The following TAMM41 variants were observed in gnomAD, a reference collection of about 807,000 sequenced individuals.
TAMM41 encodes the protein TAM41 mitochondrial translocator assembly and maintenance homolog.
Under a neutral mutation model 44.1 loss-of-function variants are expected in TAMM41, and 36 were observed. That is an observed-to-expected ratio of 0.82 (90% CI 0.63 to 1.08). TAMM41 has a LOEUF of 1.08. Among genes scored for constraint, TAMM41 ranks in the 50% least tolerant of loss-of-function variants. The probability of loss-of-function intolerance (pLI) is 0.00; values close to 1 mark genes in which losing one functional copy is unlikely to be tolerated. For missense variants in TAMM41, 417 were observed against 404.3 expected, an observed-to-expected ratio of 1.03 and a Z score of -0.27; for synonymous variants, 164 against 153.1, an observed-to-expected ratio of 1.07 and a Z score of -0.53.
At chr3:11,767,948 G>C in the TAMM41 span, among the ~76,000 whole-genome samples, 1 of 150,856 alleles carries the variant, frequency 6.6e-6, no homozygotes, top group Non-Finnish European at 1.5e-5. Flanking sequence ...TATAGATTTT[G>C]ATTATAGATC....
chr3:11,762,777 A>G, the TAMM41 span, among the ~76,000 whole-genome samples: 18 of 152,294 alleles, frequency 1.2e-4, no homozygotes, highest in Non-Finnish European at 1.5e-4. Context: ...ATTGATTGTG[A>G]GGCTGGGTAC....
intron 4 of TAMM41, among the ~76,000 whole-genome samples, chr3:11,818,310 C>T (rs2078365942): frequency 6.6e-6 from 1 of 152,058 alleles, no homozygotes; most frequent in Admixed American, 6.6e-5. Context: ...GTGAAGGGAT[C>T]GCTATAAATA....
intron 7 of TAMM41, among the ~76,000 whole-genome samples, chr3:11,803,778 T>C (rs1407464328): frequency 6.6e-6 from 1 of 152,206 alleles, no homozygotes; most frequent in Non-Finnish European, 1.5e-5. Context: ...ATAATGTCTT[T>C]TGCAGCAAGA....
the TAMM41 span, among the ~76,000 whole-genome samples, chr3:11,766,053 G>A: frequency 1.3e-5 from 2 of 152,148 alleles, no homozygotes; most frequent in Admixed American, 6.5e-5. Flanking sequence ...GCTCTTGAGA[G>A]ACTCATAGAG....
the TAMM41 span, among the ~76,000 whole-genome samples, chr3:11,755,509 T>C: frequency 2.0e-5 from 3 of 152,132 alleles, no homozygotes; most frequent in African/African-American, 7.2e-5. Flanking sequence ...AGAGAACACA[T>C]TCCTGTTAAG....
At chr3:11,756,449 C>A in the TAMM41 span, among the ~76,000 whole-genome samples, 24,581 of 152,168 alleles carry the variant, frequency 0.16, 2,152 homozygotes, top group Non-Finnish European at 0.2. Flanking sequence ...TTAATATTCA[C>A]AATGACTCTT....
the TAMM41 span, among the ~76,000 whole-genome samples, chr3:11,735,561 G>A: frequency 6.6e-6 from 1 of 151,996 alleles, no homozygotes; most frequent in African/African-American, 2.4e-5. Context: ...CTTGAGCTTG[G>A]GAGGTGGAGA....
chr3:11,813,145 A>C (rs1356348772), intron 5 of TAMM41, among the ~76,000 whole-genome samples: 1 of 152,168 alleles, frequency 6.6e-6, no homozygotes, highest in Non-Finnish European at 1.5e-5. Context: ...TGGTAGACAG[A>C]CACATTATAC....
At chr3:11,786,095 G>A (rs1353715789), downstream of TAMM41, among the ~76,000 whole-genome samples, 1 of 151,974 alleles carries the variant, frequency 6.6e-6, no homozygotes, top group South Asian at 2.1e-4. Context: ...GTCTCGCTCT[G>A]GTGCCCAGGC....
intron 3 of TAMM41, among the ~76,000 whole-genome samples, chr3:11,835,442 C>G (rs1182077555): frequency 6.6e-6 from 1 of 152,124 alleles, no homozygotes; most frequent in African/African-American, 2.4e-5. Flanking sequence ...AGAAAATAAT[C>G]ATTGCTATCA....
the TAMM41 span, among the ~76,000 whole-genome samples, chr3:11,744,052 G>T: frequency 1.3e-5 from 2 of 152,230 alleles, no homozygotes; most frequent in South Asian, 4.1e-4. Context: ...TATAAATGGA[G>T]TAACACTTAA....
chr3:11,727,553 C>T, the TAMM41 span, among the ~76,000 whole-genome samples: 11 of 152,282 alleles, frequency 7.2e-5, no homozygotes, highest in South Asian at 2.1e-4. Flanking sequence ...CAGCCTCCAC[C>T]GCCAGGGCTT....
At chr3:11,752,312 A>C in the TAMM41 span, among the ~76,000 whole-genome samples, 2 of 152,268 alleles carry the variant, frequency 1.3e-5, no homozygotes, top group East Asian at 3.9e-4. Flanking sequence ...TGTGAAGAGC[A>C]AAAGAACAAA....
the TAMM41 span, among the ~76,000 whole-genome samples, chr3:11,773,897 T>G: frequency 6.6e-6 from 1 of 152,134 alleles, no homozygotes; most frequent in African/African-American, 2.4e-5. Context: ...AAGACCAGCC[T>G]GGCCAACATG....
At position 11,839,414 on chromosome 3, in the gene TAMM41, C is replaced by T. The variant is rs561202953; in HGVS notation, c.319-100G>A. On this transcript the variant is annotated intron_variant, in intron 2 of 7. Coordinates refer to ENST00000455809, the MANE Select transcript of TAMM41 (RefSeq NM_001284401.2). ...AAACAGATAAAATTCTTGACCAGAG[C>T]AGTACCTTGATTCCAAAGCCACTCA... is the stretch of plus-strand genomic sequence containing the variant. 5 of 744,730 alleles carry T rather than the reference C, an allele frequency of 6.7e-6. No individual in the cohort carries two copies. In the South Asian group the frequency reaches 8.4e-5, roughly 12 times the overall value. 46.1% of individuals were successfully genotyped at this position (744,730 alleles called of 1,614,324 possible).
At chr3:11,759,988 A>AAAG in the TAMM41 span, among the ~76,000 whole-genome samples, 12 of 151,802 alleles carry the variant, frequency 7.9e-5, no homozygotes, top group South Asian at 4.2e-4. Flanking sequence ...AAAAAAGAAA[A>AAAG]AAGAAGAAGA....
At chr3:11,786,278 T>TATTA (rs1553564660), downstream of TAMM41, among the ~76,000 whole-genome samples, 1 of 126,470 alleles carries the variant, frequency 7.9e-6, no homozygotes, top group Non-Finnish European at 1.6e-5. Context: ...TTTATTTATT[T>TATTA]ATTTAATTTT....
At chr3:11,754,708 C>CTTTTTTTTT in the TAMM41 span, among the ~76,000 whole-genome samples, 1 of 103,560 alleles carries the variant, frequency 9.7e-6, no homozygotes, top group Non-Finnish European at 1.9e-5. Flanking sequence ...TCTCAGATCT[C>CTTTTTTTTT]TTTTTTTTTT....
the TAMM41 span, among the ~76,000 whole-genome samples, chr3:11,774,729 T>C: frequency 6.6e-6 from 1 of 152,140 alleles, no homozygotes; most frequent in Non-Finnish European, 1.5e-5. Flanking sequence ...TTCTGGTTCA[T>C]AGATGGCCAC....
Sources: allele counts gnomAD v4.1 joint callset (sites outside exome capture counted in the v4.1 genomes callset), GRCh38; gene constraint gnomAD v4.1.1; transcripts MANE v1.5; gene names NCBI Gene and HGNC (gene_info 2026-07-23, HGNC 2026-07-21).